ANKS1A: variants seen among roughly 807,000 people sequenced by gnomAD.
ANKS1A encodes the protein ankyrin repeat and SAM domain-containing protein 1A.
Under a neutral mutation model 120.3 loss-of-function variants are expected in ANKS1A, and 55 were observed. The ratio of observed to expected loss-of-function variants is 0.46; its 90% CI spans 0.37 to 0.57. ANKS1A has a LOEUF of 0.57. ANKS1A is among the 20% of genes least tolerant of loss of function. The pLI is 0.00. For synonymous variants in ANKS1A, 590 were observed against 604.7 expected (o/e 0.98, Z 0.36); for missense variants, 1,123 against 1,480.3 (o/e 0.76, Z 3.96).
chr6:34,914,257 C>T (rs2127459791), intron 1 of ANKS1A, among the ~76,000 whole-genome samples: 1 of 152,274 alleles, frequency 6.6e-6, no homozygotes, highest in African/African-American at 2.4e-5. Context: ...AATCAGGAAG[C>T]ATGACATCTA....
At chr6:34,952,140 T>C (rs1187878549) in intron 1 of ANKS1A, among the ~76,000 whole-genome samples, 2 of 152,234 alleles carry the variant, frequency 1.3e-5, no homozygotes, top group African/African-American at 4.8e-5. Flanking sequence ...GGGTAAGTTA[T>C]TTCCGTCCAT....
chr6:35,013,014 C>T (rs989749941), intron 10 of ANKS1A, among the ~76,000 whole-genome samples: 1 of 152,190 alleles, frequency 6.6e-6, no homozygotes, highest in African/African-American at 2.4e-5. Flanking sequence ...TGGTCTCTAA[C>T]TCCTGAGCTC....
In ANKS1A at chr6:34,939,566, G is replaced by A. The variant is rs532436003; in HGVS notation, c.198-27673G>A. Among the ~76,000 whole-genome samples the A allele has an allele frequency of 2.6e-5, 4 of 152,224 alleles. No individual in the cohort carries two copies. In the East Asian group the frequency reaches 7.7e-4, roughly 29 times the overall value. On this transcript the variant is annotated intron_variant, in intron 1 of 23. Transcript: ENST00000360359. ...GTAATCGGAAATAAGAAGTATTTGG[G>A]GCCAGGCACAGTGGCTTATGCCTGT...
chr6:35,068,503 C>T (rs1435785197), intron 13 of ANKS1A, among the ~76,000 whole-genome samples: 3 of 152,170 alleles, frequency 2.0e-5, no homozygotes, highest in East Asian at 1.9e-4. Flanking sequence ...GCTTTGTCCC[C>T]GCACTCAGCT....
chr6:34,979,266 C>T (rs1385002970), intron 3 of ANKS1A, among the ~76,000 whole-genome samples: 1 of 152,164 alleles, frequency 6.6e-6, no homozygotes, highest in Non-Finnish European at 1.5e-5. Context: ...ATAGTTCTTG[C>T]CCTGATAGTT....
chr6:35,071,273 C>T (rs1270375822), intron 13 of ANKS1A, among the ~76,000 whole-genome samples: 1 of 152,182 alleles, frequency 6.6e-6, no homozygotes, highest in Non-Finnish European at 1.5e-5. Flanking sequence ...AGGGAATCCT[C>T]TATAGAATGT....
chr6:34,967,110 C>A, intron 1 of ANKS1A, 129 bp from the exon 2 acceptor site: 1 of 775,534 alleles, frequency 1.3e-6, no homozygotes, highest in East Asian at 2.5e-5. Flanking sequence ...TATCAGGAGT[C>A]ATTTGGAAGT....
At chr6:35,067,969 A>C (rs1415183933) in intron 13 of ANKS1A, among the ~76,000 whole-genome samples, 2 of 144,050 alleles carry the variant, frequency 1.4e-5, no homozygotes, top group Admixed American at 1.5e-4. Context: ...GGCTCACTGC[A>C]ACCTCTGCTC....
chr6:35,054,281 A>G, intron 12 of ANKS1A, 116 bp downstream of exon 12: 1 of 896,816 alleles, frequency 1.1e-6, no homozygotes, highest in South Asian at 1.4e-5. Context: ...GGTCAGCTTC[A>G]GACCACGTCA....
chr6:35,054,080 GTTCT>G lies in ANKS1A; in HGVS notation c.2011-13_2011-10del, dbSNP rs1432203843. ...CCAAGCCTGACTGCCTCTCCTCTTT[GTTCT>G]TTCTTCCATTTCAGATTGAGAAAAT... On this transcript the variant is annotated splice_polypyrimidine_tract_variant and intron_variant, in intron 11 of 23. Coordinates refer to ENST00000360359, the MANE Select transcript of ANKS1A (RefSeq NM_015245.3). The G allele has an allele frequency of 8.1e-6, 13 of 1,611,904 alleles. No homozygotes were observed. The African/African-American group carries it at 1.2e-4, about 15-fold the overall frequency.
chr6:34,962,632 A>C (rs962275304), intron 1 of ANKS1A, among the ~76,000 whole-genome samples: 1 of 151,224 alleles, frequency 6.6e-6, no homozygotes, highest in Non-Finnish European at 1.5e-5. Context: ...CTAAAAATAC[A>C]AAAAAAATTA....
At chr6:35,016,806 G>T (rs978863971) in intron 10 of ANKS1A, among the ~76,000 whole-genome samples, 6 of 151,068 alleles carry the variant, frequency 4.0e-5, no homozygotes, top group Non-Finnish European at 7.4e-5. Context: ...AAAAGTCTGT[G>T]CTCCCTGAGG....
chr6:34,889,375 G>T lies in ANKS1A; in HGVS notation c.-28G>T. On this transcript the variant is annotated 5_prime_UTR_variant, in exon 1 of 24. It adds an upstream start codon to the 5' untranslated region. Coordinates refer to ENST00000360359, the MANE Select transcript of ANKS1A (RefSeq NM_015245.3). The surrounding 1 kb of genome is among the most constrained non-coding windows in gnomAD (Gnocchi z 5.5). Reference sequence around the variant, plus strand: ...GCAGGCTCGGCTGCAGCCTCGGGGAGGGGGTCCAGCGGGTGGCGGCCCTGG... The same window carrying T: ...GCAGGCTCGGCTGCAGCCTCGGGGATGGGGTCCAGCGGGTGGCGGCCCTGG... 1 of 1,253,926 alleles carries T rather than the reference G, an allele frequency of 8.0e-7. No individual in the cohort carries two copies. Among genetic ancestry groups the T allele is most frequent in the Non-Finnish European group, 1.0e-6 (1 of 1,001,610 alleles). 77.7% of individuals were successfully genotyped at this position (1,253,926 alleles called of 1,614,324 possible).
intron 1 of ANKS1A, among the ~76,000 whole-genome samples, chr6:34,897,273 C>T (rs1231424118): frequency 6.6e-6 from 1 of 152,082 alleles, no homozygotes; most frequent in Non-Finnish European, 1.5e-5. Flanking sequence ...AGCATGTTCA[C>T]GGGTCATAGG....
At chr6:35,081,729 C>G (rs962274713) in intron 17 of ANKS1A, among the ~76,000 whole-genome samples, 1 of 152,242 alleles carries the variant, frequency 6.6e-6, no homozygotes, top group African/African-American at 2.4e-5. Flanking sequence ...CGCTCCAGCC[C>G]TGGCGGAGGT....
Position 35,057,076 on chromosome 6 carries a change from C to A in ANKS1A, c.2077+2911C>A, listed in dbSNP as rs1581710490. Among the ~76,000 whole-genome samples, 3 of 152,132 alleles carry A rather than the reference C, an allele frequency of 2.0e-5. No homozygotes were observed. In the Middle Eastern group the frequency reaches 0.01, roughly 525 times the overall value. ...GGAGCAGGCCCTCCAGCAGGCAGCC[C>A]TGCACCAAGTGTGGGATTGCCCAGC... On this transcript the variant is annotated intron_variant, in intron 12 of 23. Coordinates refer to ENST00000360359, the MANE Select transcript of ANKS1A (RefSeq NM_015245.3). This position sits in a 1 kb window ranked among gnomAD's most constrained non-coding sequence, Gnocchi z 4.1.
At chr6:35,081,820 T>C (rs1777701797) in intron 17 of ANKS1A, among the ~76,000 whole-genome samples, 1 of 152,206 alleles carries the variant, frequency 6.6e-6, no homozygotes, top group Admixed American at 6.5e-5. Flanking sequence ...CTGCCTGTCC[T>C]GCCTCCCTCC....
In ANKS1A at chr6:35,060,073, T is replaced by G; in HGVS notation, c.2078-74T>G. ...CTATGATGTGGCAATGCCATCTATC[T>G]TCCTCTGAGTGCCGCTGCTACCGCC... On this transcript the variant is annotated intron_variant, in intron 12 of 23. Transcript: ENST00000360359. This position sits in a 1 kb window ranked among gnomAD's most constrained non-coding sequence, Gnocchi z 4.5. The G allele has an allele frequency of 8.1e-7, 1 of 1,240,188 alleles. No homozygotes were observed. The highest frequency in any genetic ancestry group is 2.0e-5 in the Admixed American group (1 of 50,808). 76.8% of individuals were successfully genotyped at this position (1,240,188 alleles called of 1,614,324 possible).
chr6:34,921,767 AGCTT>A lies in ANKS1A; in HGVS notation c.197+32169_197+32172del, dbSNP rs936295239. Among the ~76,000 whole-genome samples the A allele has an allele frequency of 1.3e-4, 20 of 152,302 alleles. No individual in the cohort carries two copies. In the East Asian group the frequency reaches 3.9e-3, roughly 29 times the overall value. ...GGCTGGAGTGCAATGGCACAATCGT[AGCTT>A]ACTGCAGCCTCGAACTCCTGGGCTT... On this transcript the variant is annotated intron_variant, in intron 1 of 23. Transcript: ENST00000360359.
Sources: allele counts gnomAD v4.1 joint callset (sites outside exome capture counted in the v4.1 genomes callset), GRCh38; gene constraint gnomAD v4.1.1; non-coding constraint Gnocchi (gnomAD v3.1); transcripts MANE v1.5; gene names NCBI Gene and HGNC (gene_info 2026-07-23, HGNC 2026-07-21).